Variants in FBXW7 observed in about 807,000 individuals in gnomAD.
The protein encoded by FBXW7 is F-box/WD repeat-containing protein 7.
FBXW7 carries 11 observed loss-of-function variants against 86.3 expected under a neutral mutation model. That is an observed-to-expected ratio of 0.13 (90% CI 0.08 to 0.21). FBXW7 has a LOEUF of 0.21. Ranked by LOEUF, FBXW7 falls within the 10% of genes least tolerant of loss-of-function variation. The pLI, the probability that FBXW7 is intolerant of heterozygous loss-of-function variation, is 1.00. For synonymous variants in FBXW7, 313 were observed against 297.9 expected (o/e 1.05, Z -0.52); for missense variants, 488 against 847.4 (o/e 0.58, Z 5.27).
intron 2 of FBXW7, among the ~76,000 whole-genome samples, chr4:152,419,477 C>A (rs1382236658): frequency 7.8e-6 from 1 of 128,856 alleles, no homozygotes; most frequent in Non-Finnish European, 1.6e-5. Context: ...TGTGGTAAGG[C>A]CCACTAGGAT....
At chr4:152,452,998 A>G (rs2127022937) in intron 2 of FBXW7, among the ~76,000 whole-genome samples, 1 of 152,290 alleles carries the variant, frequency 6.6e-6, no homozygotes, top group Non-Finnish European at 1.5e-5. Context: ...CCTGGCCAAC[A>G]TGGTGAAACC....
chr4:152,474,638 T>C (rs1744237055), intron 2 of FBXW7, among the ~76,000 whole-genome samples: 1 of 152,156 alleles, frequency 6.6e-6, no homozygotes, highest in African/African-American at 2.4e-5. Context: ...TCCTATTATC[T>C]TGTATCTTTC....
At chr4:152,506,054 A>G (rs553120493) in intron 2 of FBXW7, among the ~76,000 whole-genome samples, 5 of 152,020 alleles carry the variant, frequency 3.3e-5, no homozygotes, top group Non-Finnish European at 5.9e-5. Flanking sequence ...GTAACAACAG[A>G]AAGTGCAGTA....
At chr4:152,380,459 A>G (rs1472498643) in intron 4 of FBXW7, among the ~76,000 whole-genome samples, 1 of 151,900 alleles carries the variant, frequency 6.6e-6, no homozygotes, top group African/African-American at 2.4e-5. Flanking sequence ...TGTTTTTTAA[A>G]TATCTTCTAA....
intron 7 of FBXW7, among the ~76,000 whole-genome samples, chr4:152,336,218 T>A (rs984878152): frequency 1.3e-5 from 2 of 152,242 alleles, no homozygotes; most frequent in Middle Eastern, 3.4e-3. Context: ...TATAACTAAT[T>A]TCACTTATTT....
intron 2 of FBXW7, among the ~76,000 whole-genome samples, chr4:152,532,695 A>C (rs934629963): frequency 6.6e-6 from 1 of 152,206 alleles, no homozygotes; most frequent in Admixed American, 6.5e-5. Flanking sequence ...TGAAAAATGT[A>C]AAAATATATT....
At chr4:152,473,320 C>T (rs927922100) in intron 2 of FBXW7, among the ~76,000 whole-genome samples, 1 of 152,178 alleles carries the variant, frequency 6.6e-6, no homozygotes. Context: ...TGTAATTCTG[C>T]ACACATTTTA....
At chr4:152,449,072 T>G (rs1272045839) in intron 2 of FBXW7, among the ~76,000 whole-genome samples, 1 of 152,182 alleles carries the variant, frequency 6.6e-6, no homozygotes, top group Non-Finnish European at 1.5e-5. Flanking sequence ...GTTTAATATC[T>G]GGAAAAGAAC....
At chr4:152,466,459 G>A (rs1743449653) in intron 2 of FBXW7, among the ~76,000 whole-genome samples, 1 of 151,600 alleles carries the variant, frequency 6.6e-6, no homozygotes, top group Non-Finnish European at 1.5e-5. Flanking sequence ...GGAGGCTCAG[G>A]CATGAGAATC....
intron 4 of FBXW7, among the ~76,000 whole-genome samples, chr4:152,365,988 T>C (rs747929704): frequency 2.0e-5 from 3 of 152,142 alleles, no homozygotes; most frequent in Non-Finnish European, 2.9e-5. Context: ...AAAATATTTA[T>C]ATGAGATAAT....
chr4:152,516,157 T>C (rs1280492411), intron 2 of FBXW7, among the ~76,000 whole-genome samples: 1 of 152,246 alleles, frequency 6.6e-6, no homozygotes, highest in Non-Finnish European at 1.5e-5. Flanking sequence ...CCCAAATTCC[T>C]GACCAATAGA....
At chr4:152,417,037 T>G (rs1438446888) in intron 2 of FBXW7, among the ~76,000 whole-genome samples, 2 of 152,182 alleles carry the variant, frequency 1.3e-5, no homozygotes, top group African/African-American at 4.8e-5. Flanking sequence ...CATTCCTCAG[T>G]GCATCCCTCA....
At chr4:152,367,703 T>C (rs1003091348) in intron 4 of FBXW7, among the ~76,000 whole-genome samples, 2 of 152,156 alleles carry the variant, frequency 1.3e-5, no homozygotes, top group African/African-American at 4.8e-5. Flanking sequence ...CTATACACAC[T>C]GATATCTAAA....
At chr4:152,348,826 G>T in intron 5 of FBXW7, 2 of 378,492 alleles carry the variant, frequency 5.3e-6, no homozygotes, top group Non-Finnish European at 9.0e-6. Context: ...AGTTTCACTT[G>T]TCTCTCTATC....
intron 2 of FBXW7, among the ~76,000 whole-genome samples, chr4:152,510,379 A>G (rs1167109948): frequency 1.3e-5 from 2 of 152,230 alleles, no homozygotes; most frequent in Non-Finnish European, 2.9e-5. Flanking sequence ...CTCTCCAAAA[A>G]GGCCACAAAA....
intron 2 of FBXW7, among the ~76,000 whole-genome samples, chr4:152,516,510 A>AGGCTGGG (rs1252908870): frequency 6.6e-6 from 1 of 152,228 alleles, no homozygotes; most frequent in Non-Finnish European, 1.5e-5. Context: ...GGTGCCAAAA[A>AGGCTGGG]GGCTGGGGAC....
In FBXW7 at chr4:152,330,886, A is replaced by G. The variant is rs2126537052; in HGVS notation, c.986-18T>C. ...ATCAATCCCTAAAGTGTTACAGTTC[A>G]AGAGTAAATTGCCTTCACCAATAAT... On this transcript the variant is annotated intron_variant, in intron 8 of 13. Coordinates refer to ENST00000281708, the MANE Select transcript of FBXW7 (RefSeq NM_001349798.2). 1 of 1,607,468 alleles carries G rather than the reference A, an allele frequency of 6.2e-7. No homozygotes were observed. Among genetic ancestry groups the G allele is most frequent in the Non-Finnish European group, 8.5e-7 (1 of 1,176,782 alleles).
chr4:152,400,554 C>A (rs1301563779), intron 4 of FBXW7, among the ~76,000 whole-genome samples: 3 of 151,710 alleles, frequency 2.0e-5, no homozygotes, highest in African/African-American at 7.3e-5. Context: ...AGTATGTTGC[C>A]CAGGCTGGTC....
chr4:152,326,237 G>A lies in FBXW7; in HGVS notation c.1419-6C>T, dbSNP rs2126498072. On this transcript the variant is annotated splice_region_variant and splice_polypyrimidine_tract_variant and intron_variant, in intron 11 of 13. Coordinates refer to ENST00000281708, the MANE Select transcript of FBXW7 (RefSeq NM_001349798.2). Reference sequence around the variant, plus strand: ...CTCGAGAACCGCTAACAACTCTGCAGAGGGAGAAACAGAAAAACAAAACAA... The same window carrying A: ...CTCGAGAACCGCTAACAACTCTGCAAAGGGAGAAACAGAAAAACAAAACAA... 2 of 1,607,966 alleles carry A rather than the reference G, an allele frequency of 1.2e-6. No individual in the cohort carries two copies. The highest frequency in any genetic ancestry group is 1.7e-5 in the Admixed American group (1 of 59,614).
Sources: gnomAD v4.1 joint callset for allele counts (sites outside exome capture counted in the v4.1 genomes callset) on GRCh38, gnomAD v4.1.1 for gene constraint, MANE v1.5 for transcripts, NCBI Gene and HGNC (gene_info 2026-07-23, HGNC 2026-07-21) for gene names.